NLRP5: variants seen among roughly 807,000 people sequenced by gnomAD.
NLRP5 encodes the protein NACHT, LRR and PYD domains-containing protein 5.
In NLRP5, 93 loss-of-function variants were observed where a neutral mutation model predicts 113.1. The ratio of observed to expected loss-of-function variants is 0.82; its 90% CI spans 0.70 to 0.98. The LOEUF (loss-of-function observed/expected upper bound fraction) is 0.98. NLRP5 is among the 50% of genes least tolerant of loss of function. The probability of loss-of-function intolerance (pLI) is 0.00; values close to 1 mark genes in which losing one functional copy is unlikely to be tolerated. For synonymous variants in NLRP5, 751 were observed against 600.7 expected (o/e 1.25, Z -3.66); for missense variants, 1,808 against 1,514.3 (o/e 1.19, Z -3.22).
At chr19:55,988,863 T>A in the NLRP5 span, among the ~76,000 whole-genome samples, 1 of 152,228 alleles carries the variant, frequency 6.6e-6, no homozygotes, top group Non-Finnish European at 1.5e-5. Context: ...CTTCTGTGTT[T>A]TGCTTTCAAT....
At chr19:56,026,425 G>A (rs535281647) in intron 6 of NLRP5, among the ~76,000 whole-genome samples, 1 of 149,022 alleles carries the variant, frequency 6.7e-6, no homozygotes. Context: ...CTACTCAGGA[G>A]GTTGAGGCAG....
In NLRP5 at chr19:56,042,180, A is replaced by G. The variant is rs73052217; in HGVS notation, c.2957+1088A>G. On this transcript the variant is annotated intron_variant, in intron 11 of 14. Transcript: ENST00000390649. ...TGATTTGGAGAATTACCAACACATT[A>G]TAGCAAGTAGGAAAATTCACAAATA... Among the ~76,000 whole-genome samples, 148 of 152,304 alleles carry G rather than the reference A, an allele frequency of 9.7e-4. 1 individual carries two copies. Among genetic ancestry groups the G allele is most frequent in the Non-Finnish European group, 1.7e-3 (113 of 68,010 alleles).
chr19:55,990,571 A>T, the NLRP5 span, among the ~76,000 whole-genome samples: 8 of 151,990 alleles, frequency 5.3e-5, no homozygotes, highest in African/African-American at 1.9e-4. Context: ...TCATGCCTGT[A>T]ATCCCAGCAC....
intron 11 of NLRP5, among the ~76,000 whole-genome samples, chr19:56,050,034 C>T (rs146493567): frequency 0.11 from 16,569 of 152,130 alleles, 1,031 homozygotes; most frequent in African/African-American, 0.16. Flanking sequence ...AATCCCAACA[C>T]TTTGGGAGGC....
chr19:56,056,693 A>G (rs1285682293), intron 13 of NLRP5, among the ~76,000 whole-genome samples: 3 of 152,224 alleles, frequency 2.0e-5, no homozygotes, highest in Non-Finnish European at 2.9e-5. Flanking sequence ...CCTTGCCTCT[A>G]TCCTCAGCCT....
At position 56,004,011 on chromosome 19, in the gene NLRP5, T is replaced by C; in HGVS notation, c.358T>C (p.Ser120Pro). The C allele has an allele frequency of 1.9e-6, 3 of 1,613,954 alleles. No homozygotes were observed. Among genetic ancestry groups the C allele is most frequent in the Non-Finnish European group, 2.5e-6 (3 of 1,179,890 alleles). ...CCTCTTGCATGAGTATTATGGAGCA[T>C]CGCTGGCCTGGGCTACGTCCATTAG... Residue 120 changes from serine (S) to proline (P), a missense_variant, in exon 2 of 15, where the codon TCG (serine) becomes CCG (proline). Coordinates refer to ENST00000390649, the MANE Select transcript of NLRP5 (RefSeq NM_153447.4).
chr19:56,006,575 T>C (rs1474325254), intron 2 of NLRP5, among the ~76,000 whole-genome samples: 4 of 151,394 alleles, frequency 2.6e-5, no homozygotes, highest in Non-Finnish European at 5.9e-5. Context: ...CTACTAAAAA[T>C]ACAAAAATTA....
intron 1 of NLRP5, among the ~76,000 whole-genome samples, chr19:55,999,943 G>T (rs1981567081): frequency 6.6e-6 from 1 of 152,202 alleles, no homozygotes; most frequent in Non-Finnish European, 1.5e-5. Flanking sequence ...GAAAGTGAAA[G>T]AATGCAGGAA....
chr19:55,991,023 C>T, the NLRP5 span, among the ~76,000 whole-genome samples: 1 of 152,194 alleles, frequency 6.6e-6, no homozygotes, highest in South Asian at 2.1e-4. Flanking sequence ...TGATCATTAT[C>T]ATGGATTGGA....
upstream of NLRP5, among the ~76,000 whole-genome samples, chr19:55,999,384 T>G (rs1981531028): frequency 6.6e-6 from 1 of 151,818 alleles, no homozygotes; most frequent in Non-Finnish European, 1.5e-5. Flanking sequence ...CTGGCTAATT[T>G]TTTGTATTTT....
intron 13 of NLRP5, among the ~76,000 whole-genome samples, chr19:56,055,830 C>G (rs185183044): frequency 1.1e-3 from 170 of 152,252 alleles, no homozygotes; most frequent in African/African-American, 3.7e-3. Context: ...CAGGCATAAG[C>G]CACCGCGCCT....
In NLRP5 at chr19:56,053,659, C is replaced by T. The variant is rs139664065; in HGVS notation, c.3150C>T (p.Thr1050=). The T allele has an allele frequency of 4.2e-4, 681 of 1,613,622 alleles. 3 individuals carry two copies. In the African/African-American group the frequency reaches 7.5e-3, roughly 18 times the overall value. Residue 1050 remains threonine (T), a synonymous_variant, in exon 13 of 15, where the codon ACC becomes ACT. Coordinates refer to ENST00000390649, the MANE Select transcript of NLRP5 (RefSeq NM_153447.4). ...GCAGGTTGGTAAAGTGTCATCTCAC[C>T]GCCGCGTGCTGTGAGAGTCTGTCCT...
intron 11 of NLRP5, among the ~76,000 whole-genome samples, chr19:56,047,107 C>A (rs919364917): frequency 3.3e-5 from 5 of 152,146 alleles, no homozygotes; most frequent in African/African-American, 1.2e-4. Context: ...TGTTCCATTT[C>A]TCAGTGAGGT....
At chr19:55,999,614 T>C, upstream of NLRP5, 1 of 813,232 alleles carries the variant, frequency 1.2e-6, no homozygotes, top group Non-Finnish European at 2.1e-6. Flanking sequence ...GGCTCACTTG[T>C]TGCTTCACTG....
At chr19:56,055,760 T>G (rs1300700808) in intron 13 of NLRP5, among the ~76,000 whole-genome samples, 2 of 151,748 alleles carry the variant, frequency 1.3e-5, no homozygotes, top group East Asian at 3.9e-4. Context: ...TTAGCCAGGA[T>G]GGTCTCAATC....
chr19:56,056,413 C>A (rs1036518297), intron 13 of NLRP5, among the ~76,000 whole-genome samples: 1 of 152,098 alleles, frequency 6.6e-6, no homozygotes, highest in African/African-American at 2.4e-5. Flanking sequence ...AAAAGTTAGC[C>A]GGGCTTGGTG....
intron 8 of NLRP5, among the ~76,000 whole-genome samples, chr19:56,033,067 G>A (rs1345674726): frequency 2.0e-5 from 3 of 151,982 alleles, no homozygotes; most frequent in Admixed American, 1.3e-4. Flanking sequence ...CCAACATGGT[G>A]AAACCCCATC....
At chr19:56,049,201 C>T (rs138441169) in intron 11 of NLRP5, among the ~76,000 whole-genome samples, 16,311 of 135,658 alleles carry the variant, frequency 0.12, 1,028 homozygotes, top group African/African-American at 0.18. Flanking sequence ...TATTTAGAGA[C>T]GGAGTTTTAC....
At chr19:56,060,719 T>TCAGATCCATAG (rs1179716212) in intron 14 of NLRP5, among the ~76,000 whole-genome samples, 1 of 113,964 alleles carries the variant, frequency 8.8e-6, no homozygotes, top group Non-Finnish European at 2.0e-5. Flanking sequence ...CATATCCAAG[T>TCAGATCCATAG]TTTTTTACAT....
Sources: allele counts gnomAD v4.1 joint callset (sites outside exome capture counted in the v4.1 genomes callset), GRCh38; gene constraint gnomAD v4.1.1; transcripts MANE v1.5; gene names NCBI Gene and HGNC (gene_info 2026-07-23, HGNC 2026-07-21).